Variants in AFF3 observed in about 807,000 individuals in gnomAD.
AFF3 encodes ALF transcription elongation factor 3, also known as AF4/FMR2 family member 3.
Under a neutral mutation model 129.7 loss-of-function variants are expected in AFF3, and 32 were observed. That is an observed-to-expected ratio of 0.25 (90% CI 0.19 to 0.33). The LOEUF (loss-of-function observed/expected upper bound fraction) is 0.33, where lower values mean the gene tolerates loss of function less well. AFF3 is among the 10% of genes least tolerant of loss of function. AFF3 has a pLI of 1.00. For missense variants in AFF3, 1,373 were observed against 1,592.0 expected (o/e 0.86, Z 2.34); for synonymous variants, 644 against 635.4 (o/e 1.01, Z -0.20).
In AFF3 at chr2:99,975,350, A is replaced by T. The variant is rs562585956; in HGVS notation, c.873+31282T>A. On this transcript the variant is annotated intron_variant, in intron 7 of 24. Transcript: ENST00000672756. ...CCCAACAATCTATCAAAATTATCTAACTATCTAGACTGAACAATTTTACTT... is the reference window on the plus strand; with the variant it reads ...CCCAACAATCTATCAAAATTATCTATCTATCTAGACTGAACAATTTTACTT... 2.0e-5 allele frequency among the ~76,000 whole-genome samples: 3 copies of T among 152,352 alleles called. No homozygotes were observed. The East Asian group carries it at 5.8e-4, about 29-fold the overall frequency.
chr2:99,990,199 T>C (rs554389830), intron 7 of AFF3, among the ~76,000 whole-genome samples: 32 of 152,134 alleles, frequency 2.1e-4, no homozygotes, highest in Admixed American at 1.6e-3. Context: ...GAGGTTTCCG[T>C]TGGCCACTAC....
chr2:99,835,588 G>C (rs1366750668), intron 8 of AFF3, among the ~76,000 whole-genome samples: 1 of 151,980 alleles, frequency 6.6e-6, no homozygotes, highest in Non-Finnish European at 1.5e-5. Context: ...GCCTTAGGCT[G>C]ACAAGTAGGG....
intron 10 of AFF3, among the ~76,000 whole-genome samples, chr2:99,727,564 T>A (rs1187850330): frequency 5.3e-5 from 8 of 150,898 alleles, no homozygotes; most frequent in Admixed American, 5.3e-4. Flanking sequence ...AAAGAATTTT[T>A]TTTTTTTTTT....
chr2:99,984,511 T>C (rs1679686321), intron 7 of AFF3, among the ~76,000 whole-genome samples: 1 of 152,206 alleles, frequency 6.6e-6, no homozygotes. Flanking sequence ...ATCATCTAAA[T>C]GTGTTTTTGC....
chr2:100,134,270 C>T (rs1390439805), intron 1 of AFF3, among the ~76,000 whole-genome samples: 1 of 152,194 alleles, frequency 6.6e-6, no homozygotes, highest in Non-Finnish European at 1.5e-5. Context: ...CATTTTCCAA[C>T]ACTAATACTA....
At chr2:99,683,433 C>A (rs1242508952) in intron 11 of AFF3, among the ~76,000 whole-genome samples, 4 of 151,994 alleles carry the variant, frequency 2.6e-5, no homozygotes, top group African/African-American at 4.8e-5. Context: ...AATTTAAGTC[C>A]ATTTTTCCTT....
intron 3 of AFF3, chr2:100,105,157 CGCCCGGCCCCGCCCGGCCTT>C (rs1284608852): frequency 2.5e-5 from 7 of 282,984 alleles, no homozygotes; most frequent in Non-Finnish European, 3.8e-5. Flanking sequence ...CGCCCGCCCG[CGCCCGGCCCCGCCCGGCCTT>C]GCCCGGGCTG....
intron 11 of AFF3, among the ~76,000 whole-genome samples, chr2:99,705,267 T>C (rs1442996453): frequency 2.0e-5 from 3 of 151,592 alleles, no homozygotes; most frequent in Non-Finnish European, 2.9e-5. Context: ...AAGGAGAGAG[T>C]GCTCAGTAGT....
At chr2:99,671,760 T>C (rs566184992) in intron 12 of AFF3, among the ~76,000 whole-genome samples, 47 of 152,190 alleles carry the variant, frequency 3.1e-4, no homozygotes, top group African/African-American at 1.1e-3. Context: ...AAATACAACA[T>C]AGGGGATGAG....
chr2:99,587,301 C>A, intron 15 of AFF3, 23 bp from the exon 16 acceptor site: 1 of 1,613,486 alleles, frequency 6.2e-7, no homozygotes, highest in South Asian at 1.1e-5. Context: ...AAACTAAAGT[C>A]AATCAGCACT....
chr2:99,663,397 A>G (rs1341662551), intron 12 of AFF3, among the ~76,000 whole-genome samples: 2 of 152,244 alleles, frequency 1.3e-5, no homozygotes, highest in African/African-American at 4.8e-5. Context: ...TGGTATCTTG[A>G]TGAAGCAAGG....
In AFF3 at chr2:99,545,633, T is replaced by C. The variant is rs1674055229; in HGVS notation, c.*5841A>G. The C allele has an allele frequency of 6.4e-6, 1 of 156,126 alleles. No homozygotes were observed. The highest frequency in any genetic ancestry group is 2.4e-5 in the African/African-American group (1 of 41,552). 9.7% of individuals were successfully genotyped at this position (156,126 alleles called of 1,614,324 possible). A position where few individuals can be genotyped will look rare whatever the true frequency, so the allele number is the denominator to read the frequency against. Reference sequence around the variant, plus strand: ...GTGCTTCAACACAAATGCTGACCCTTGTACTGACTGGCAATTAGTGCCCTG... The same window carrying C: ...GTGCTTCAACACAAATGCTGACCCTCGTACTGACTGGCAATTAGTGCCCTG... On this transcript the variant is annotated 3_prime_UTR_variant, in exon 25 of 25. Coordinates refer to ENST00000672756, the MANE Select transcript of AFF3 (RefSeq NM_001386135.1).
chr2:99,995,776 A>G (rs909874392), intron 7 of AFF3, among the ~76,000 whole-genome samples: 2 of 152,242 alleles, frequency 1.3e-5, no homozygotes, highest in African/African-American at 4.8e-5. Context: ...TTGTCCACTA[A>G]GAACAAAGGT....
intron 4 of AFF3, among the ~76,000 whole-genome samples, chr2:100,068,728 C>A (rs1002313499): frequency 6.6e-6 from 1 of 152,056 alleles, no homozygotes; most frequent in African/African-American, 2.4e-5. Context: ...CTGGGACTCC[C>A]GACGCCCACC....
At position 99,867,576 on chromosome 2, in the gene AFF3, T is replaced by TAAAAAAA. The variant is rs3072544; in HGVS notation, c.874-30059_874-30053dup. ...CTCCCCAAGGCCTATATTTCTATATTAAAAAAAAAAAAAAAAACATAGCTG... is the reference window on the plus strand; with the variant it reads ...CTCCCCAAGGCCTATATTTCTATATTAAAAAAAAAAAAAAAAAAAAAAAACATAGCTG... On this transcript the variant is annotated intron_variant, in intron 7 of 24. Coordinates refer to ENST00000672756, the MANE Select transcript of AFF3 (RefSeq NM_001386135.1). Among the ~76,000 whole-genome samples the TAAAAAAA allele has an allele frequency of 4.8e-3, 685 of 141,316 alleles. 5 individuals are homozygous for TAAAAAAA. Among genetic ancestry groups the TAAAAAAA allele is most frequent in the Non-Finnish European group, 8.7e-3 (576 of 65,846 alleles). The allele number at this position is 141,316 out of a possible 152,430, so 92.7% of individuals were successfully genotyped here.
In AFF3 at chr2:99,878,656, T is replaced by G. The variant is rs114251006; in HGVS notation, c.874-41132A>C. On this transcript the variant is annotated intron_variant, in intron 7 of 24. Transcript: ENST00000672756. Reference sequence around the variant, plus strand: ...ATAAAAACATAGTAAATGGTAAATGTAAATGTAAGAAGAGGTAAGACATTT... The same window carrying G: ...ATAAAAACATAGTAAATGGTAAATGGAAATGTAAGAAGAGGTAAGACATTT... 5.6e-3 allele frequency among the ~76,000 whole-genome samples: 847 copies of G among 152,334 alleles called. 1 individual carries two copies. Among genetic ancestry groups the G allele is most frequent in the African/African-American group, 0.02 (818 of 41,570 alleles).
chr2:99,932,765 A>C (rs1251426320), intron 7 of AFF3, among the ~76,000 whole-genome samples: 1 of 152,246 alleles, frequency 6.6e-6, no homozygotes, highest in Admixed American at 6.5e-5. Flanking sequence ...TCTTAGGATA[A>C]GAAAATTCAT....
chr2:99,663,759 G>T (rs972199217), intron 12 of AFF3, among the ~76,000 whole-genome samples: 2 of 152,232 alleles, frequency 1.3e-5, no homozygotes, highest in Non-Finnish European at 2.9e-5. Flanking sequence ...ACTGGAAGCT[G>T]CAGGCATGTA....
In AFF3 at chr2:99,548,782, A is replaced by G. The variant is rs367715014; in HGVS notation, c.*2692T>C. ...CAACAACAACAGCAGTAACAACAAA[A>G]CTAAGTAAAAGGAACAAGTTATGAA... On this transcript the variant is annotated 3_prime_UTR_variant, in exon 25 of 25. Coordinates refer to ENST00000672756, the MANE Select transcript of AFF3 (RefSeq NM_001386135.1). The G allele has an allele frequency of 4.3e-6, 1 of 231,978 alleles. No homozygotes were observed. The highest frequency in any genetic ancestry group is 6.1e-5 in the East Asian group (1 of 16,454). The allele number at this position is 231,978 out of a possible 1,614,324, so 14.4% of individuals were successfully genotyped here.
Sources: gnomAD v4.1 joint callset for allele counts (sites outside exome capture counted in the v4.1 genomes callset) on GRCh38, gnomAD v4.1.1 for gene constraint, MANE v1.5 for transcripts, NCBI Gene and HGNC (gene_info 2026-07-23, HGNC 2026-07-21) for gene names.